GLIS3: variants seen among roughly 807,000 people sequenced by gnomAD.
GLIS3 encodes zinc finger protein GLIS3.
In GLIS3, 53 loss-of-function variants were observed where a neutral mutation model predicts 78.6. That is an observed-to-expected ratio of 0.67 (90% CI 0.54 to 0.85). The LOEUF (loss-of-function observed/expected upper bound fraction) is 0.85, where lower values mean the gene tolerates loss of function less well. Among genes scored for constraint, GLIS3 ranks in the 40% least tolerant of loss-of-function variants. The pLI is 0.00. For synonymous variants in GLIS3, 684 were observed against 509.9 expected, an observed-to-expected ratio of 1.34 and a Z score of -4.60; for missense variants, 1,703 against 1,231.1, an observed-to-expected ratio of 1.38 and a Z score of -5.74.
chr9:4,320,566 T>C (rs1817509360), intron 2 of GLIS3, among the ~76,000 whole-genome samples: 1 of 148,078 alleles, frequency 6.8e-6, no homozygotes, highest in Admixed American at 6.6e-5. Flanking sequence ...TCTGTTTCTC[T>C]CTATTTCCAA....
At chr9:4,404,955 A>C in the GLIS3 span, among the ~76,000 whole-genome samples, 5 of 152,212 alleles carry the variant, frequency 3.3e-5, no homozygotes, top group African/African-American at 7.2e-5. Context: ...AAAGATAAGC[A>C]AAATTGATGA....
At chr9:4,472,845 A>G in the GLIS3 span, among the ~76,000 whole-genome samples, 1 of 152,184 alleles carries the variant, frequency 6.6e-6, no homozygotes, top group Non-Finnish European at 1.5e-5. Flanking sequence ...ATTGATATTA[A>G]ATGAACTTAG....
At chr9:4,321,951 C>G (rs568492560) in intron 2 of GLIS3, among the ~76,000 whole-genome samples, 1 of 152,190 alleles carries the variant, frequency 6.6e-6, no homozygotes, top group Admixed American at 6.5e-5. Context: ...CATATGTATA[C>G]AAGTGCAGTG....
At chr9:4,200,720 T>G (rs1418133086) in intron 2 of GLIS3, among the ~76,000 whole-genome samples, 1 of 152,042 alleles carries the variant, frequency 6.6e-6, no homozygotes, top group African/African-American at 2.4e-5. Flanking sequence ...CAAGGCCAGA[T>G]GGACTCACAG....
chr9:4,321,602 A>T (rs1477466667), intron 2 of GLIS3, among the ~76,000 whole-genome samples: 1 of 41,852 alleles, frequency 2.4e-5, no homozygotes, highest in Non-Finnish European at 4.2e-5. Context: ...CCACCCCAGT[A>T]TCGAGAGCAT....
intron 9 of GLIS3, among the ~76,000 whole-genome samples, chr9:3,841,852 A>T (rs917525732): frequency 6.6e-6 from 1 of 152,202 alleles, no homozygotes; most frequent in Non-Finnish European, 1.5e-5. Flanking sequence ...TCTCATTATA[A>T]GCCTGGTGTT....
At chr9:3,829,586 C>T in intron 9 of GLIS3, 94 bp from the exon 10 acceptor site, 1 of 1,339,790 alleles carries the variant, frequency 7.5e-7, no homozygotes, top group Non-Finnish European at 1.1e-6. Flanking sequence ...AGCCTGGCTT[C>T]CTAAGACAAA....
chr9:4,078,951 TAAAAAC>T (rs1828315068), intron 4 of GLIS3, among the ~76,000 whole-genome samples: 1 of 152,214 alleles, frequency 6.6e-6, no homozygotes, highest in African/African-American at 2.4e-5. Flanking sequence ...TACCTTTTCT[TAAAAAC>T]AAATGTTTTC....
chr9:4,003,791 T>C (rs1380624994), intron 4 of GLIS3, among the ~76,000 whole-genome samples: 1 of 152,214 alleles, frequency 6.6e-6, no homozygotes, highest in Non-Finnish European at 1.5e-5. Context: ...TGGAAATAAG[T>C]GTCAATGAAG....
In GLIS3 at chr9:4,300,052, G is replaced by C. The variant is rs1009315920; in HGVS notation, c.-730C>G. ...GGGAGGGAGGAAGGCAGCCGGGCGA[G>C]GAGTGTGGATGTGTGTGCGGCCGCG... On this transcript the variant is annotated 5_prime_UTR_variant, in exon 1 of 11. Coordinates refer to ENST00000381971, the MANE Select transcript of GLIS3 (RefSeq NM_001042413.2). 1.3e-5 allele frequency: 2 copies of C among 152,386 alleles called. No homozygotes were observed. Among genetic ancestry groups the C allele is most frequent in the African/African-American group, 2.4e-5 (1 of 41,340 alleles). 9.4% of individuals were successfully genotyped at this position (152,386 alleles called of 1,614,324 possible). A position where few individuals can be genotyped will look rare whatever the true frequency, so the allele number is the denominator to read the frequency against.
rs1309147758 is a variant in GLIS3, at chr9:3,824,161, A to G, written c.*4111T>C. The G allele has an allele frequency of 6.5e-6, 1 of 152,674 alleles. No homozygotes were observed. The highest frequency in any genetic ancestry group is 1.9e-4 in the East Asian group (1 of 5,202). The allele number at this position is 152,674 out of a possible 1,614,324, so 9.5% of individuals were successfully genotyped here. The stretch of plus-strand genomic sequence containing the variant: ...TAAAAGCTTTAATTAAATCTGATGA[A>G]ATAAAACTTCATGTTTTATTTATGG... On this transcript the variant is annotated 3_prime_UTR_variant, in exon 11 of 11. Transcript: ENST00000381971.
In GLIS3 at chr9:4,166,768, A is replaced by T. The variant is rs571217687; in HGVS notation, c.389-40827T>A. 2.6e-5 allele frequency among the ~76,000 whole-genome samples: 4 copies of T among 152,360 alleles called. No homozygotes were observed. The South Asian group carries it at 8.3e-4, about 32-fold the overall frequency. ...AAGTGAACAGAGGGTCTTCAGTCTC[A>T]TGTGTTCTCAGCATGAAACAGAGGA... On this transcript the variant is annotated intron_variant, in intron 2 of 10. Coordinates refer to ENST00000381971, the MANE Select transcript of GLIS3 (RefSeq NM_001042413.2).
intron 2 of GLIS3, among the ~76,000 whole-genome samples, chr9:4,188,778 T>C (rs1218474692): frequency 1.3e-5 from 2 of 152,228 alleles, no homozygotes; most frequent in East Asian, 3.8e-4. Flanking sequence ...TCTAGTTTAT[T>C]TGCGTAGAGG....
the GLIS3 span, among the ~76,000 whole-genome samples, chr9:4,459,906 G>T: frequency 6.6e-6 from 1 of 152,220 alleles, no homozygotes. Context: ...AATGAAGCCT[G>T]GGAACTGATC....
At chr9:4,191,799 A>T (rs1461549500) in intron 2 of GLIS3, among the ~76,000 whole-genome samples, 2 of 152,218 alleles carry the variant, frequency 1.3e-5, no homozygotes, top group African/African-American at 2.4e-5. Context: ...TTCCTGTACC[A>T]AGGTCCAAGG....
chr9:4,451,196 A>G, the GLIS3 span, among the ~76,000 whole-genome samples: 1 of 152,232 alleles, frequency 6.6e-6, no homozygotes, highest in African/African-American at 2.4e-5. Flanking sequence ...AGGGGTTGCA[A>G]TCCTAGTCTC....
chr9:4,094,668 C>G (rs180698778), intron 4 of GLIS3, among the ~76,000 whole-genome samples: 80 of 152,282 alleles, frequency 5.3e-4, no homozygotes, highest in African/African-American at 1.9e-3. Context: ...TCTCAACTAG[C>G]CAGTGTTAAA....
chr9:4,068,376 A>G (rs2130615227), intron 4 of GLIS3, among the ~76,000 whole-genome samples: 1 of 152,296 alleles, frequency 6.6e-6, no homozygotes, highest in South Asian at 2.1e-4. Context: ...TAAGTAAAAT[A>G]TTTAATTAGA....
At chr9:4,147,914 C>A (rs1257506154) in intron 2 of GLIS3, among the ~76,000 whole-genome samples, 2 of 152,124 alleles carry the variant, frequency 1.3e-5, no homozygotes, top group Non-Finnish European at 2.9e-5. Context: ...CCAGGGAATT[C>A]ACAAAGGTAA....
Sources: gnomAD v4.1 joint callset for allele counts (sites outside exome capture counted in the v4.1 genomes callset) on GRCh38, gnomAD v4.1.1 for gene constraint, MANE v1.5 for transcripts, NCBI Gene and HGNC (gene_info 2026-07-23, HGNC 2026-07-21) for gene names.